The following SH3YL1 variants were observed in gnomAD, a reference collection of about 807,000 sequenced individuals.
SH3YL1 encodes the protein SH3 and SYLF domain containing 1.
SH3YL1 carries 41 observed loss-of-function variants against 45.8 expected under a neutral mutation model. The observed-to-expected ratio is 0.89, with a 90% CI of 0.70 to 1.16. The LOEUF (loss-of-function observed/expected upper bound fraction) is 1.16, where lower values mean the gene tolerates loss of function less well. SH3YL1 is among the 50% of genes most tolerant of loss of function. The pLI is 0.00. For synonymous variants in SH3YL1, 152 were observed against 151.4 expected, an observed-to-expected ratio of 1.00 and a Z score of -0.03; for missense variants, 389 against 409.6, an observed-to-expected ratio of 0.95 and a Z score of 0.43.
At position 221,207 on chromosome 2, in the gene SH3YL1, T is replaced by C. The variant is rs558446917; in HGVS notation, c.839-2206A>G. On this transcript the variant is annotated intron_variant, in intron 9 of 9. Transcript: ENST00000356150. ...CCTCAACAACCTCATAAATATGAAA[T>C]TGTGCTCAACAGACCAAACTGACAT... 1.2e-4 allele frequency among the ~76,000 whole-genome samples: 19 copies of C among 152,306 alleles called. No homozygotes were observed. In the South Asian group the frequency reaches 3.9e-3, roughly 32 times the overall value.
At chr2:224,840 T>C (rs369865732) in intron 9 of SH3YL1, 24 bp downstream of exon 9, 60 of 1,527,862 alleles carry the variant, frequency 3.9e-5, no homozygotes, top group Middle Eastern at 1.8e-4. Context: ...GAATCATTTA[T>C]AACATATAGA....
Position 262,590 on chromosome 2 carries a change from T to A in SH3YL1, c.1+1394A>T, listed in dbSNP as rs766952206. Reference sequence around the variant, plus strand: ...TTTTTAAAAACTTCATGTGCTTAGGTCTCAGAGCAGAGAATTTTGTCTTAT... The same window carrying A: ...TTTTTAAAAACTTCATGTGCTTAGGACTCAGAGCAGAGAATTTTGTCTTAT... On this transcript the variant is annotated intron_variant, in intron 1 of 9. Coordinates refer to ENST00000356150, the MANE Select transcript of SH3YL1 (RefSeq NM_015677.4). 1.2e-5 allele frequency: 15 copies of A among 1,304,024 alleles called. No homozygotes were observed. The South Asian group carries it at 1.9e-4, about 16-fold the overall frequency. 80.8% of individuals were successfully genotyped at this position (1,304,024 alleles called of 1,614,324 possible). A position where few individuals can be genotyped will look rare whatever the true frequency, so the allele number is the denominator to read the frequency against.
chr2:239,210 A>C (rs1234969866), intron 4 of SH3YL1, among the ~76,000 whole-genome samples: 1 of 152,236 alleles, frequency 6.6e-6, no homozygotes, highest in African/African-American at 2.4e-5. Context: ...TAAGACTGCA[A>C]TCTTTTTCCA....
At chr2:232,455 T>TA (rs397753898) in intron 6 of SH3YL1, among the ~76,000 whole-genome samples, 1 of 151,566 alleles carries the variant, frequency 6.6e-6, no homozygotes, top group East Asian at 1.9e-4. Context: ...CTTTTTTTTT[T>TA]AATATACTTT....
At chr2:232,497 G>C (rs1668093149) in intron 6 of SH3YL1, among the ~76,000 whole-genome samples, 1 of 151,698 alleles carries the variant, frequency 6.6e-6, no homozygotes, top group African/African-American at 2.4e-5. Context: ...CAATGTGCAG[G>C]TTTGTTGCAT....
chr2:250,121 G>T (rs998088098), intron 2 of SH3YL1, among the ~76,000 whole-genome samples: 4 of 152,134 alleles, frequency 2.6e-5, no homozygotes, highest in Non-Finnish European at 4.4e-5. Context: ...ATTTGAAAGA[G>T]ATTTTATTGC....
chr2:250,873 T>A (rs539938074), intron 2 of SH3YL1, among the ~76,000 whole-genome samples: 76 of 152,358 alleles, frequency 5.0e-4, no homozygotes, highest in African/African-American at 1.8e-3. Context: ...TAAGGTTGCA[T>A]CCTGGATGGC....
Position 242,778 on chromosome 2 carries a change from C to T in SH3YL1, c.291+4760G>A, listed in dbSNP as rs115242950. ...CCAATTATATGCTCCATAGGAGACA[C>T]GCTTTAGATTCAAAGTTACCATTAG... On this transcript the variant is annotated intron_variant, in intron 4 of 9. Coordinates refer to ENST00000356150, the MANE Select transcript of SH3YL1 (RefSeq NM_015677.4). 2.2e-3 allele frequency: 3,388 copies of T among 1,535,608 alleles called. 49 individuals are homozygous for T. The African/African-American group carries it at 0.035, about 16-fold the overall frequency.
At chr2:242,850 C>T (rs1334852071) in intron 4 of SH3YL1, 61 of 1,512,558 alleles carry the variant, frequency 4.0e-5, no homozygotes, top group Non-Finnish European at 5.3e-5. Flanking sequence ...AGATGGCAAC[C>T]TAAGAAAGCT....
intron 1 of SH3YL1, among the ~76,000 whole-genome samples, chr2:253,927 G>T (rs1462655670): frequency 6.6e-6 from 1 of 151,966 alleles, no homozygotes; most frequent in Non-Finnish European, 1.5e-5. Flanking sequence ...TCAAATCTAT[G>T]CTGAGAGTCA....
chr2:247,674 T>C (rs1668888713), intron 3 of SH3YL1, 72 bp from the exon 4 acceptor site: 3 of 1,192,254 alleles, frequency 2.5e-6, no homozygotes, highest in East Asian at 5.2e-5. Flanking sequence ...GAAGGAAAAA[T>C]GCTAAAATCT....
At position 234,154 on chromosome 2, in the gene SH3YL1, A is replaced by G; in HGVS notation, c.404+6T>C. The G allele has an allele frequency of 6.2e-7, 1 of 1,602,370 alleles. No individual in the cohort carries two copies. Among genetic ancestry groups the G allele is most frequent in the Non-Finnish European group, 8.5e-7 (1 of 1,173,330 alleles). On this transcript the variant is annotated splice_donor_region_variant and intron_variant, in intron 5 of 9. Transcript: ENST00000356150. ...TTACTGTCTAACATCTATTTAAAGA[A>G]CTCACCTTCCCAAGGGCCCAACCGC...
chr2:262,615 T>C (rs1208182390), intron 1 of SH3YL1: 10 of 1,304,278 alleles, frequency 7.7e-6, no homozygotes, highest in East Asian at 5.5e-5. Context: ...TTTTGTCTTA[T>C]CATGACGCCA....
intron 8 of SH3YL1, among the ~76,000 whole-genome samples, chr2:228,811 G>A (rs570418067): frequency 2.0e-5 from 3 of 152,242 alleles, no homozygotes; most frequent in African/African-American, 7.2e-5. Context: ...CCAGTCAAAG[G>A]CACAGCCAAG....
chr2:232,030 C>T (rs867971403), intron 6 of SH3YL1, among the ~76,000 whole-genome samples: 1 of 151,692 alleles, frequency 6.6e-6, no homozygotes, highest in African/African-American at 2.4e-5. Flanking sequence ...GCCAGCAGTG[C>T]CAGCCGATCA....
chr2:253,570 TCA>T (rs1669174413), intron 1 of SH3YL1, among the ~76,000 whole-genome samples: 1 of 152,192 alleles, frequency 6.6e-6, no homozygotes, highest in South Asian at 2.1e-4. Context: ...AGAGGACCTC[TCA>T]GTTCCGGGAA....
intron 4 of SH3YL1, among the ~76,000 whole-genome samples, chr2:242,343 C>A (rs1328966460): frequency 2.0e-5 from 3 of 151,490 alleles, no homozygotes; most frequent in African/African-American, 4.9e-5. Context: ...GAGTGTGTAT[C>A]ATATATAGAT....
intron 4 of SH3YL1, 22 bp downstream of exon 4, chr2:247,516 T>C (rs1439335005): frequency 6.5e-7 from 1 of 1,545,838 alleles, no homozygotes; most frequent in East Asian, 2.4e-5. Flanking sequence ...GGCAGTTGTA[T>C]GGACGTGCAC....
At chr2:252,002 T>A (rs948594146) in intron 2 of SH3YL1, among the ~76,000 whole-genome samples, 2 of 152,200 alleles carry the variant, frequency 1.3e-5, no homozygotes, top group Non-Finnish European at 2.9e-5. Context: ...ACAAGTATGC[T>A]ATGAACACCC....
Sources: allele counts gnomAD v4.1 joint callset (sites outside exome capture counted in the v4.1 genomes callset), GRCh38; gene constraint gnomAD v4.1.1; transcripts MANE v1.5; gene names NCBI Gene and HGNC (gene_info 2026-07-23, HGNC 2026-07-21).